ZMYM1: variants seen among roughly 807,000 people sequenced by gnomAD.
ZMYM1 encodes zinc finger MYM-type protein 1.
A neutral mutation model predicts 60.0 loss-of-function variants in ZMYM1; 39 were observed. The observed-to-expected ratio is 0.65, with a 90% CI of 0.50 to 0.85. The LOEUF is 0.85. ZMYM1 is among the 40% of genes least tolerant of loss of function. The probability of loss-of-function intolerance (pLI) is 0.00; values close to 1 mark genes in which losing one functional copy is unlikely to be tolerated. For synonymous variants in ZMYM1, 413 were observed against 454.0 expected (o/e 0.91, Z 1.15); for missense variants, 1,171 against 1,309.5 (o/e 0.89, Z 1.63).
chr1:35,098,485 A>C (rs1001629136), intron 4 of ZMYM1, among the ~76,000 whole-genome samples: 8 of 152,230 alleles, frequency 5.3e-5, no homozygotes, highest in Non-Finnish European at 1.2e-4. Context: ...AATTTCTTTC[A>C]AATAATACTT....
chr1:35,084,387 T>C (rs1051002811), intron 1 of ZMYM1, among the ~76,000 whole-genome samples: 1 of 152,242 alleles, frequency 6.6e-6, no homozygotes, highest in African/African-American at 2.4e-5. Flanking sequence ...TCTGGAAATT[T>C]TGGATGAACA....
chr1:35,096,287 G>C (rs1400928496), intron 3 of ZMYM1, among the ~76,000 whole-genome samples: 3 of 150,786 alleles, frequency 2.0e-5, no homozygotes, highest in African/African-American at 7.3e-5. Context: ...ACTCCAGCCT[G>C]GGCAACAGAG....
intron 1 of ZMYM1, among the ~76,000 whole-genome samples, chr1:35,089,005 G>T (rs1379735162): frequency 6.6e-6 from 1 of 151,618 alleles, no homozygotes; most frequent in Admixed American, 6.6e-5. Context: ...GTGGAGATGG[G>T]GTTTCACTGT....
At chr1:35,080,948 A>T (rs1557637843) in intron 1 of ZMYM1, among the ~76,000 whole-genome samples, 1 of 150,048 alleles carries the variant, frequency 6.7e-6, no homozygotes, top group African/African-American at 2.5e-5. Context: ...GAATAAAATA[A>T]TTTTTTTTTT....
chr1:35,094,327 T>C (rs1450674855), intron 2 of ZMYM1, among the ~76,000 whole-genome samples: 1 of 152,228 alleles, frequency 6.6e-6, no homozygotes, highest in Non-Finnish European at 1.5e-5. Context: ...GTTTAGGGTG[T>C]TGTGGGCCTA....
At chr1:35,098,522 G>A (rs921984150) in intron 4 of ZMYM1, among the ~76,000 whole-genome samples, 2 of 152,162 alleles carry the variant, frequency 1.3e-5, no homozygotes, top group African/African-American at 2.4e-5. Context: ...GCCATAATTT[G>A]AATTTTGCTT....
At chr1:35,104,090 A>G (rs1429273266) in intron 4 of ZMYM1, among the ~76,000 whole-genome samples, 1 of 152,178 alleles carries the variant, frequency 6.6e-6, no homozygotes. Context: ...AAACTGCACT[A>G]TTAGATGTGC....
At chr1:35,090,300 A>G (rs867166363) in intron 1 of ZMYM1, among the ~76,000 whole-genome samples, 1 of 152,138 alleles carries the variant, frequency 6.6e-6, no homozygotes, top group South Asian at 2.1e-4. Context: ...CAAAGGATTT[A>G]GAATCAGAGG....
chr1:35,112,203 A>T (rs1644112169), intron 9 of ZMYM1, 73 bp downstream of exon 9: 3 of 1,481,252 alleles, frequency 2.0e-6, no homozygotes, highest in Non-Finnish European at 2.8e-6. Flanking sequence ...GTTGAGACAG[A>T]GTCTCGCTCT....
At chr1:35,105,646 C>T (rs1287772383) in intron 6 of ZMYM1, among the ~76,000 whole-genome samples, 4 of 152,010 alleles carry the variant, frequency 2.6e-5, no homozygotes, top group Non-Finnish European at 5.9e-5. Flanking sequence ...AGGTCTTTGT[C>T]AGCCAGCTTG....
chr1:35,101,864 A>G (rs1438277473), intron 4 of ZMYM1, among the ~76,000 whole-genome samples: 3 of 152,172 alleles, frequency 2.0e-5, no homozygotes, highest in South Asian at 4.1e-4. Flanking sequence ...GATATTTTCT[A>G]TAGTGGCTGT....
chr1:35,068,516 A>G (rs918776959), intron 1 of ZMYM1, among the ~76,000 whole-genome samples: 6 of 151,486 alleles, frequency 4.0e-5, no homozygotes, highest in Non-Finnish European at 8.8e-5. Context: ...CAGAGGGTAG[A>G]CAGTCAAGGA....
intron 6 of ZMYM1, among the ~76,000 whole-genome samples, chr1:35,105,806 A>G (rs970521970): frequency 6.6e-6 from 1 of 152,046 alleles, no homozygotes; most frequent in East Asian, 1.9e-4. Flanking sequence ...AGCTCTTACT[A>G]TGTTGCCCAA....
chr1:35,104,878 T>G (rs1643836219), intron 6 of ZMYM1, 109 bp downstream of exon 6: 2 of 802,798 alleles, frequency 2.5e-6, no homozygotes, highest in Non-Finnish European at 3.9e-6. Context: ...TGTCGATAAG[T>G]TGATGAAGAT....
At chr1:35,082,605 A>G (rs1642447436) in intron 1 of ZMYM1, among the ~76,000 whole-genome samples, 1 of 150,024 alleles carries the variant, frequency 6.7e-6, no homozygotes, top group African/African-American at 2.4e-5. Context: ...TGTTGGGATT[A>G]CAGGCGTGAG....
At chr1:35,086,209 A>G (rs1223715027) in intron 1 of ZMYM1, among the ~76,000 whole-genome samples, 1 of 152,226 alleles carries the variant, frequency 6.6e-6, no homozygotes, top group African/African-American at 2.4e-5. Context: ...TCATATTTAT[A>G]TTCATACAGA....
rs557303440 is a variant in ZMYM1, at chr1:35,069,181, A to G, written c.-301+9256A>G. Among the ~76,000 whole-genome samples the G allele has an allele frequency of 7.9e-5, 12 of 152,276 alleles. No homozygotes were observed. The East Asian group carries it at 2.3e-3, about 29-fold the overall frequency. On this transcript the variant is annotated intron_variant, in intron 1 of 10. Coordinates refer to the ZMYM1 transcript ENST00000417119. ...TTGAGGAACTTCTATCCATTTTTCT[A>G]TAGTGGCTGTACTAGTTTATAATTT...
chr1:35,098,016 C>T (rs1643432018), intron 4 of ZMYM1, among the ~76,000 whole-genome samples: 1 of 152,052 alleles, frequency 6.6e-6, no homozygotes, highest in Non-Finnish European at 1.5e-5. Flanking sequence ...CTTTTAGTTC[C>T]TCTGATGGAT....
At chr1:35,077,066 C>A (rs193149064), upstream of ZMYM1, among the ~76,000 whole-genome samples, 1 of 152,102 alleles carries the variant, frequency 6.6e-6, no homozygotes, top group Non-Finnish European at 1.5e-5. Context: ...GCAAGAAAGA[C>A]GCATGAAACT....
Sources: gnomAD v4.1 joint callset for allele counts (sites outside exome capture counted in the v4.1 genomes callset) on GRCh38, gnomAD v4.1.1 for gene constraint, MANE v1.5 for transcripts, NCBI Gene and HGNC (gene_info 2026-07-23, HGNC 2026-07-21) for gene names.